FAM168A: variants seen among roughly 807,000 people sequenced by gnomAD.
The protein encoded by FAM168A is family with sequence similarity 168 member A.
FAM168A carries 3 observed loss-of-function variants against 28.5 expected under a neutral mutation model. The observed-to-expected ratio is 0.11, with a 90% CI of 0.05 to 0.27. FAM168A has a LOEUF of 0.27. Ranked by LOEUF, FAM168A falls within the 10% of genes least tolerant of loss-of-function variation. FAM168A has a pLI of 1.00. For missense variants in FAM168A, 222 were observed against 311.5 expected (o/e 0.71, Z 2.16); for synonymous variants, 122 against 124.2 (o/e 0.98, Z 0.12).
At chr11:73,454,046 A>C (rs1376144551) in intron 2 of FAM168A, among the ~76,000 whole-genome samples, 2 of 152,218 alleles carry the variant, frequency 1.3e-5, no homozygotes, top group African/African-American at 4.8e-5. Flanking sequence ...CTTGCCCAAG[A>C]ATGTCAGAAG....
At chr11:73,517,415 C>T (rs941684146) in intron 1 of FAM168A, among the ~76,000 whole-genome samples, 7 of 151,998 alleles carry the variant, frequency 4.6e-5, no homozygotes, top group African/African-American at 9.7e-5. Context: ...TGCAGCTAGT[C>T]GAGAATCCAG....
intron 1 of FAM168A, among the ~76,000 whole-genome samples, chr11:73,508,704 A>C (rs542698043): frequency 6.6e-6 from 1 of 152,152 alleles, no homozygotes; most frequent in South Asian, 2.1e-4. Flanking sequence ...ATAGTACTAG[A>C]CCACAGTAGT....
rs549726927 is a variant in FAM168A, at chr11:73,520,328, G to A, written c.-18-51836C>T. Among the ~76,000 whole-genome samples, 11 of 152,156 alleles carry A rather than the reference G, an allele frequency of 7.2e-5. No homozygotes were observed. In the East Asian group the frequency reaches 1.5e-3, roughly 21 times the overall value. ...CTCCCAAAGTGCTGGGATTACAGGC[G>A]TGAGCCACCGCGCCTGGCCTAATTT... On this transcript the variant is annotated intron_variant, in intron 1 of 7. Transcript: ENST00000356467.
intron 2 of FAM168A, among the ~76,000 whole-genome samples, chr11:73,436,344 A>T (rs1177094073): frequency 6.6e-6 from 1 of 152,196 alleles, no homozygotes; most frequent in East Asian, 1.9e-4. Context: ...TTAAAATAGC[A>T]GAGTATCAAA....
At chr11:73,575,762 G>T (rs1030437191) in intron 1 of FAM168A, among the ~76,000 whole-genome samples, 1 of 151,982 alleles carries the variant, frequency 6.6e-6, no homozygotes, top group East Asian at 1.9e-4. Context: ...CCAGCTACTC[G>T]GGAGGCTGAG....
At chr11:73,594,934 C>T (rs984123852) in intron 1 of FAM168A, among the ~76,000 whole-genome samples, 1 of 152,162 alleles carries the variant, frequency 6.6e-6, no homozygotes, top group African/African-American at 2.4e-5. Flanking sequence ...CTATTCGTTC[C>T]ACAAAGGCTT....
intron 1 of FAM168A, among the ~76,000 whole-genome samples, chr11:73,488,543 A>C (rs1868085496): frequency 6.6e-6 from 1 of 152,124 alleles, no homozygotes. Flanking sequence ...GATTTTGCTT[A>C]TTTGTCTAAA....
chr11:73,411,270 G>A (rs1275767817), intron 5 of FAM168A, 124 bp downstream of exon 5: 4 of 1,085,986 alleles, frequency 3.7e-6, no homozygotes, highest in Middle Eastern at 6.2e-4. Context: ...GATACAACAA[G>A]GACGGCTAGC....
intron 1 of FAM168A, among the ~76,000 whole-genome samples, chr11:73,486,068 G>T (rs1322108118): frequency 6.6e-6 from 1 of 152,104 alleles, no homozygotes; most frequent in Non-Finnish European, 1.5e-5. Context: ...CTATACAAAT[G>T]TAAAGTTTGG....
At chr11:73,593,170 CTGTT>C (rs1565312209) in intron 1 of FAM168A, among the ~76,000 whole-genome samples, 3 of 151,996 alleles carry the variant, frequency 2.0e-5, no homozygotes, top group African/African-American at 7.2e-5. Flanking sequence ...ATTTAGGAAA[CTGTT>C]TATCTCTGAG....
intron 2 of FAM168A, among the ~76,000 whole-genome samples, chr11:73,445,548 G>A (rs1480623097): frequency 6.9e-6 from 1 of 144,984 alleles, no homozygotes; most frequent in African/African-American, 2.5e-5. Flanking sequence ...TTACAGGAAT[G>A]AGCCTCAGGT....
chr11:73,408,217 T>G (rs1866543380), intron 6 of FAM168A, among the ~76,000 whole-genome samples: 1 of 152,194 alleles, frequency 6.6e-6, no homozygotes, highest in African/African-American at 2.4e-5. Context: ...ACAATCATAC[T>G]GAGTAGTAAT....
Position 73,407,653 on chromosome 11 carries a change from CAG to C in FAM168A, c.596-12_596-11del. 2 of 1,607,054 alleles carry C rather than the reference CAG, an allele frequency of 1.2e-6. No homozygotes were observed. Among genetic ancestry groups the C allele is most frequent in the Non-Finnish European group, 1.7e-6 (2 of 1,176,344 alleles). On this transcript the variant is annotated splice_polypyrimidine_tract_variant and intron_variant, in intron 6 of 7. Transcript: ENST00000356467. Reference sequence around the variant, plus strand: ...GTAGTCAGCAGGGTACCTGAGCATCCAGAGAGAGAAGAGTAACCTGACGAGGC... The same window carrying C: ...GTAGTCAGCAGGGTACCTGAGCATCCAGAGAGAAGAGTAACCTGACGAGGC...
At chr11:73,524,467 T>G (rs1590832452) in intron 1 of FAM168A, among the ~76,000 whole-genome samples, 1 of 151,926 alleles carries the variant, frequency 6.6e-6, no homozygotes, top group Non-Finnish European at 1.5e-5. Flanking sequence ...ATTCTTAAAT[T>G]TAAATCTTTT....
intron 1 of FAM168A, among the ~76,000 whole-genome samples, chr11:73,523,018 AAAAAC>A (rs1318968520): frequency 6.6e-5 from 10 of 152,180 alleles, no homozygotes; most frequent in East Asian, 1.9e-4. Context: ...GTCTCAAACA[AAAAAC>A]AAAACAAAAC....
At chr11:73,582,351 C>G (rs1944258398) in intron 1 of FAM168A, among the ~76,000 whole-genome samples, 1 of 151,854 alleles carries the variant, frequency 6.6e-6, no homozygotes, top group Admixed American at 6.6e-5. Flanking sequence ...GAAACCCCAT[C>G]TCTACTAAAA....
At chr11:73,457,169 C>A (rs1035945776) in intron 2 of FAM168A, among the ~76,000 whole-genome samples, 3 of 151,922 alleles carry the variant, frequency 2.0e-5, no homozygotes, top group African/African-American at 7.3e-5. Flanking sequence ...GAAATGATTG[C>A]CCAAAGCCAG....
chr11:73,591,835 A>C (rs759598778), intron 1 of FAM168A, among the ~76,000 whole-genome samples: 1 of 152,164 alleles, frequency 6.6e-6, no homozygotes, highest in Non-Finnish European at 1.5e-5. Context: ...TAATTTCTTC[A>C]TCCTTAAAAT....
chr11:73,594,401 T>G (rs1449563938), intron 1 of FAM168A, among the ~76,000 whole-genome samples: 1 of 151,558 alleles, frequency 6.6e-6, no homozygotes, highest in African/African-American at 2.4e-5. Context: ...GCCTGGCCAG[T>G]TTTTTTGGTT....
Sources: allele counts gnomAD v4.1 joint callset (sites outside exome capture counted in the v4.1 genomes callset), GRCh38; gene constraint gnomAD v4.1.1; transcripts MANE v1.5; gene names NCBI Gene and HGNC (gene_info 2026-07-23, HGNC 2026-07-21).